Variants in FLRT1 observed in about 807,000 individuals in gnomAD.
FLRT1 encodes leucine-rich repeat transmembrane protein FLRT1.
In FLRT1, 14 loss-of-function variants were observed where a neutral mutation model predicts 30.9. That is an observed-to-expected ratio of 0.45 (90% CI 0.30 to 0.71). The LOEUF (loss-of-function observed/expected upper bound fraction) is 0.71, where lower values mean the gene tolerates loss of function less well. Among genes scored for constraint, FLRT1 ranks in the 30% least tolerant of loss-of-function variants. FLRT1 has a pLI of 0.08. For synonymous variants in FLRT1, 368 were observed against 430.4 expected (o/e 0.85, Z 1.80); for missense variants, 737 against 949.2 (o/e 0.78, Z 2.94).
intron 1 of FLRT1, among the ~76,000 whole-genome samples, chr11:64,041,848 A>C (rs919864923): frequency 6.6e-6 from 1 of 152,146 alleles, no homozygotes; most frequent in Non-Finnish European, 1.5e-5. Context: ...GGCAAGTCGC[A>C]GAGGGTCACG....
At chr11:64,054,867 C>A (rs968775266) in intron 1 of FLRT1, among the ~76,000 whole-genome samples, 2 of 152,038 alleles carry the variant, frequency 1.3e-5, no homozygotes, top group Admixed American at 6.6e-5. Flanking sequence ...GGAATTCTAG[C>A]ATCTCCCGTG....
At chr11:64,095,060 G>A (rs1279174388) in intron 1 of FLRT1, among the ~76,000 whole-genome samples, 1 of 152,190 alleles carries the variant, frequency 6.6e-6, no homozygotes, top group Non-Finnish European at 1.5e-5. Flanking sequence ...CCTTAAGGCA[G>A]GCTCCCAAAT....
chr11:64,118,938 A>C lies in FLRT1; in HGVS notation c.*646A>C, dbSNP rs1421783928. 6.0e-6 allele frequency: 1 copy of C among 167,044 alleles called. No homozygotes were observed. Among genetic ancestry groups the C allele is most frequent in the Non-Finnish European group, 1.5e-5 (1 of 68,074 alleles). The allele number at this position is 167,044 out of a possible 1,614,324, so 10.3% of individuals were successfully genotyped here. A position where few individuals can be genotyped will look rare whatever the true frequency, so the allele number is the denominator to read the frequency against. ...ATCATGTAGTCGATTAAAAAAAAAAAACAAACTTTTTTTTCCTAGGCTGAA... is the reference window on the plus strand; with the variant it reads ...ATCATGTAGTCGATTAAAAAAAAAACACAAACTTTTTTTTCCTAGGCTGAA... On this transcript the variant is annotated 3_prime_UTR_variant, in exon 3 of 3. Coordinates refer to ENST00000682287, the MANE Select transcript of FLRT1 (RefSeq NM_013280.5).
chr11:64,071,545 C>G (rs1230344688), intron 1 of FLRT1, among the ~76,000 whole-genome samples: 1 of 152,160 alleles, frequency 6.6e-6, no homozygotes, highest in Non-Finnish European at 1.5e-5. Flanking sequence ...CAGGGGCCCA[C>G]TCTGGGCAGG....
At chr11:64,105,728 T>C (rs956977985) in intron 2 of FLRT1, among the ~76,000 whole-genome samples, 1 of 152,276 alleles carries the variant, frequency 6.6e-6, no homozygotes, top group African/African-American at 2.4e-5. Flanking sequence ...GTTGAGACAC[T>C]GTTCCCCAGC....
intron 1 of FLRT1, among the ~76,000 whole-genome samples, chr11:64,057,260 T>C (rs1943804167): frequency 6.6e-6 from 1 of 152,206 alleles, no homozygotes; most frequent in African/African-American, 2.4e-5. Flanking sequence ...GACAGCCCAT[T>C]GGTGGTTCCT....
chr11:64,090,773 G>A lies in FLRT1; in HGVS notation c.-1037-12421G>A, dbSNP rs931668739. On this transcript the variant is annotated intron_variant, in intron 1 of 2. Coordinates refer to ENST00000682287, the MANE Select transcript of FLRT1 (RefSeq NM_013280.5). The surrounding 1 kb of genome is among the most constrained non-coding windows in gnomAD (Gnocchi z 4.7). ...ACTAAAAGGGGGGCGGGGTGGCGGC[G>A]TCTCTCCACCAGGCACTTGGGGTTT... Among the ~76,000 whole-genome samples the A allele has an allele frequency of 3.2e-4, 48 of 152,104 alleles. No individual in the cohort carries two copies. The highest frequency in any genetic ancestry group is 5.1e-4 in the Non-Finnish European group (35 of 67,990).
intron 1 of FLRT1, among the ~76,000 whole-genome samples, chr11:64,102,591 G>T (rs887067287): frequency 6.6e-6 from 1 of 152,198 alleles, no homozygotes; most frequent in Non-Finnish European, 1.5e-5. Flanking sequence ...GGCCCTGCAC[G>T]GCCAGGAGCT....
intron 1 of FLRT1, among the ~76,000 whole-genome samples, chr11:64,077,901 C>A (rs909030653): frequency 1.3e-5 from 2 of 152,222 alleles, no homozygotes; most frequent in Non-Finnish European, 2.9e-5. Context: ...ATGTTTAGGC[C>A]CTTAGACCCT....
chr11:64,111,665 T>A (rs534906735), intron 2 of FLRT1, among the ~76,000 whole-genome samples: 2 of 151,988 alleles, frequency 1.3e-5, no homozygotes, highest in African/African-American at 4.8e-5. Context: ...GGGGGGTGGG[T>A]GAGGTCTGGC....
chr11:64,054,021 G>A (rs1393986068), intron 1 of FLRT1, among the ~76,000 whole-genome samples: 3 of 152,160 alleles, frequency 2.0e-5, no homozygotes, highest in Admixed American at 2.0e-4. Flanking sequence ...TTGCTCCCAC[G>A]TGGTTCAGAA....
At chr11:64,060,030 C>A (rs983379054) in intron 1 of FLRT1, among the ~76,000 whole-genome samples, 24 of 152,290 alleles carry the variant, frequency 1.6e-4, no homozygotes, top group African/African-American at 5.8e-4. Context: ...TCCCACACGG[C>A]AGGGGGGAAT....
Position 64,082,592 on chromosome 11 carries a change from G to C in FLRT1, c.-1037-20602G>C, listed in dbSNP as rs775097731. 2.6e-5 allele frequency among the ~76,000 whole-genome samples: 4 copies of C among 152,114 alleles called. No homozygotes were observed. Among genetic ancestry groups the C allele is most frequent in the Non-Finnish European group, 4.4e-5 (3 of 68,002 alleles). ...GTTCAGATTCAGGTGAAGCTTAGGG[G>C]TCCCTGGGCTGAAGACGGAACCTCT... On this transcript the variant is annotated intron_variant, in intron 1 of 2. Transcript: ENST00000682287. This position sits in a 1 kb window ranked among gnomAD's most constrained non-coding sequence, Gnocchi z 4.5.
At chr11:64,086,739 TAC>T (rs1457171302) in intron 1 of FLRT1, among the ~76,000 whole-genome samples, 1 of 152,144 alleles carries the variant, frequency 6.6e-6, no homozygotes, top group Non-Finnish European at 1.5e-5. Context: ...GTGCTCACAG[TAC>T]AGAGATGTAG....
intron 1 of FLRT1, among the ~76,000 whole-genome samples, chr11:64,078,896 G>A (rs1944253095): frequency 6.6e-6 from 1 of 152,224 alleles, no homozygotes; most frequent in African/African-American, 2.4e-5. Flanking sequence ...CTCAGAGTGG[G>A]AGTTTGGCAG....
chr11:64,095,112 G>C (rs916085702), intron 1 of FLRT1, among the ~76,000 whole-genome samples: 9 of 152,354 alleles, frequency 5.9e-5, no homozygotes, highest in African/African-American at 2.2e-4. Context: ...GGAAACCTCA[G>C]AGGAAAGCCA....
intron 1 of FLRT1, among the ~76,000 whole-genome samples, chr11:64,089,017 G>T (rs1276024707): frequency 2.0e-5 from 3 of 152,126 alleles, no homozygotes; most frequent in African/African-American, 7.2e-5. Context: ...CACTGGGAGG[G>T]CCACTGACAA....
In FLRT1 at chr11:64,071,503, G is replaced by A. The variant is rs560428776; in HGVS notation, c.-1037-31691G>A. On this transcript the variant is annotated intron_variant, in intron 1 of 2. Coordinates refer to ENST00000682287, the MANE Select transcript of FLRT1 (RefSeq NM_013280.5). The stretch of plus-strand genomic sequence containing the variant: ...AGAGCATTGTCCCCTTGGCCAGCTC[G>A]CCCAGGAGTCACCCTGGGGCCCATC... Among the ~76,000 whole-genome samples the A allele has an allele frequency of 1.2e-4, 19 of 152,218 alleles. No homozygotes were observed. In the South Asian group the frequency reaches 2.5e-3, roughly 20 times the overall value.
intron 1 of FLRT1, among the ~76,000 whole-genome samples, chr11:64,039,416 G>A (rs1198787322): frequency 1.3e-5 from 2 of 152,144 alleles, no homozygotes; most frequent in African/African-American, 4.8e-5. Flanking sequence ...AGGTCGGGTG[G>A]TAGCGGGGGG....
Sources: allele counts gnomAD v4.1 joint callset (sites outside exome capture counted in the v4.1 genomes callset), GRCh38; gene constraint gnomAD v4.1.1; non-coding constraint Gnocchi (gnomAD v3.1); transcripts MANE v1.5; gene names NCBI Gene and HGNC (gene_info 2026-07-23, HGNC 2026-07-21).